The following MYDGF variants were observed in gnomAD, a reference collection of about 807,000 sequenced individuals.
MYDGF encodes myeloid derived growth factor.
In MYDGF, 29 loss-of-function variants were observed where a neutral mutation model predicts 24.2. The ratio of observed to expected loss-of-function variants is 1.20; its 90% confidence interval spans 0.89 to 1.63. The LOEUF is 1.63. Among genes scored for constraint, MYDGF ranks in the 40% most tolerant of loss-of-function variants. MYDGF has a pLI of 0.00. For missense variants in MYDGF, 245 were observed against 234.8 expected (o/e 1.04, Z -0.29); for synonymous variants, 105 against 102.5 (o/e 1.02, Z -0.15).
At chr19:4,659,802 A>G in intron 5 of MYDGF, 129 bp downstream of exon 5, 1 of 794,560 alleles carries the variant, frequency 1.3e-6, no homozygotes, top group South Asian at 1.4e-5. Flanking sequence ...CCTTTATAGA[A>G]TCAGTTTGTG....
chr19:4,665,892 T>C (rs1352281943), intron 2 of MYDGF, among the ~76,000 whole-genome samples: 1 of 143,440 alleles, frequency 7.0e-6, no homozygotes, highest in Non-Finnish European at 1.5e-5. Flanking sequence ...AAACACAAGC[T>C]GAACTATCGT....
At chr19:4,663,636 C>T (rs1411177991) in intron 3 of MYDGF, among the ~76,000 whole-genome samples, 1 of 113,102 alleles carries the variant, frequency 8.8e-6, no homozygotes, top group African/African-American at 3.5e-5. Context: ...TCCAATCTAC[C>T]CTCCCCACCT....
chr19:4,657,863 C>A lies in MYDGF; in HGVS notation c.*142G>T. Reference sequence around the variant, plus strand: ...AGGGCTTCAGCCACCCTGCAAGCCCCTCCGGACAAGGCAACGTCAGCCCAG... The same window carrying A: ...AGGGCTTCAGCCACCCTGCAAGCCCATCCGGACAAGGCAACGTCAGCCCAG... On this transcript the variant is annotated 3_prime_UTR_variant, in exon 6 of 6. Transcript: ENST00000262947. 1 of 759,020 alleles carries A rather than the reference C, an allele frequency of 1.3e-6. No individual in the cohort carries two copies. Among genetic ancestry groups the A allele is most frequent in the South Asian group, 1.9e-5 (1 of 53,180 alleles). 47.0% of individuals were successfully genotyped at this position (759,020 alleles called of 1,614,324 possible). A position where few individuals can be genotyped will look rare whatever the true frequency, so the allele number is the denominator to read the frequency against.
Position 4,657,954 on chromosome 19 carries a change from C to T in MYDGF, c.*51G>A. On this transcript the variant is annotated 3_prime_UTR_variant, in exon 6 of 6. Transcript: ENST00000262947. ...GCTGGCCCTTTCAGGGACACAGGCC[C>T]CTTCAGCTTCACCGGAGATGAGAAG... 3 of 1,520,222 alleles carry T rather than the reference C, an allele frequency of 2.0e-6. No individual in the cohort carries two copies. Among genetic ancestry groups the T allele is most frequent in the East Asian group, 2.3e-5 (1 of 42,998 alleles). The allele number at this position is 1,520,222 out of a possible 1,614,324, so 94.2% of individuals were successfully genotyped here.
chr19:4,664,759 C>A (rs181053972), intron 3 of MYDGF, 117 bp downstream of exon 3: 3 of 1,159,726 alleles, frequency 2.6e-6, no homozygotes, highest in Non-Finnish European at 2.4e-6. Context: ...AGTCTCCCTG[C>A]TGGTCTGTCT....
At chr19:4,668,361 C>T (rs1278928389) in intron 2 of MYDGF, among the ~76,000 whole-genome samples, 1 of 152,192 alleles carries the variant, frequency 6.6e-6, no homozygotes, top group Non-Finnish European at 1.5e-5. Context: ...TGGCAGACTC[C>T]CATCTCCCCT....
At chr19:4,667,703 C>G (rs1433519463) in intron 2 of MYDGF, among the ~76,000 whole-genome samples, 2 of 145,708 alleles carry the variant, frequency 1.4e-5, no homozygotes, top group Non-Finnish European at 3.0e-5. Context: ...ATTCTTCTCC[C>G]AGCCCAGAGA....
intron 1 of MYDGF, 116 bp from the exon 2 acceptor site, chr19:4,668,761 A>G (rs1189476525): frequency 2.5e-6 from 2 of 792,478 alleles, no homozygotes; most frequent in African/African-American, 3.4e-5. Flanking sequence ...AGCTCACTGC[A>G]GCCTCGAACT....
intron 1 of MYDGF, among the ~76,000 whole-genome samples, chr19:4,669,375 T>C (rs2088545421): frequency 6.6e-6 from 1 of 152,094 alleles, no homozygotes; most frequent in Admixed American, 6.6e-5. Context: ...GGCATGAACC[T>C]GGGAGGCAGA....
At chr19:4,664,258 G>C (rs1190687529) in intron 3 of MYDGF, among the ~76,000 whole-genome samples, 3 of 152,160 alleles carry the variant, frequency 2.0e-5, no homozygotes, top group African/African-American at 7.2e-5. Context: ...ACACCTCTGA[G>C]AAAGTACTCC....
chr19:4,659,336 C>T (rs566015607), intron 5 of MYDGF, among the ~76,000 whole-genome samples: 2 of 152,112 alleles, frequency 1.3e-5, no homozygotes, highest in Admixed American at 1.3e-4. Context: ...TCCCAGGTTC[C>T]AGCAATTCTC....
At chr19:4,662,432 G>A (rs1350545305) in intron 3 of MYDGF, among the ~76,000 whole-genome samples, 3 of 152,148 alleles carry the variant, frequency 2.0e-5, no homozygotes, top group African/African-American at 7.2e-5. Context: ...CCCCACCGGG[G>A]GGCCTGACGG....
rs1216565301 is a variant in MYDGF at position 4,668,608 on chromosome 19, CCTT to C, written c.209_211del (p.Gln70_Gly71delinsArg). 3.1e-6 allele frequency: 5 copies of C among 1,613,080 alleles called. No individual in the cohort carries two copies. The highest frequency in any genetic ancestry group is 1.7e-4 in the Middle Eastern group (1 of 6,054). On this transcript the variant is annotated inframe_deletion, in exon 2 of 6. Coordinates refer to ENST00000262947, the MANE Select transcript of MYDGF (RefSeq NM_019107.4). Reference sequence around the variant, plus strand: ...TGAACAACTCACCTCATTGGTCCCTCCTTGAGAGGCGTAAGTGAACATACACGT... The same window carrying C: ...TGAACAACTCACCTCATTGGTCCCTCGAGAGGCGTAAGTGAACATACACGT...
intron 4 of MYDGF, 169 bp downstream of exon 4, chr19:4,660,500 T>C: frequency 3.3e-6 from 2 of 607,342 alleles, no homozygotes; most frequent in South Asian, 4.1e-5. Flanking sequence ...GCCCCTGGCC[T>C]GGGGGCGTCT....
At chr19:4,660,896 A>G in intron 3 of MYDGF, 146 bp from the exon 4 acceptor site, 1 of 541,888 alleles carries the variant, frequency 1.8e-6, no homozygotes, top group South Asian at 2.5e-5. Flanking sequence ...CCCGAGCACG[A>G]GCACCTGCTG....
intron 2 of MYDGF, among the ~76,000 whole-genome samples, chr19:4,666,139 G>A (rs1251381507): frequency 6.6e-6 from 1 of 152,014 alleles, no homozygotes; most frequent in African/African-American, 2.4e-5. Context: ...GCAACATAGC[G>A]AGACCCCATC....
intron 3 of MYDGF, among the ~76,000 whole-genome samples, chr19:4,664,385 G>A (rs1356059063): frequency 6.6e-6 from 1 of 151,872 alleles, no homozygotes; most frequent in Non-Finnish European, 1.5e-5. Flanking sequence ...AGCTACTCAG[G>A]AGGCTGAGGG....
At chr19:4,659,538 A>T (rs1247221604) in intron 5 of MYDGF, 4 of 377,404 alleles carry the variant, frequency 1.1e-5, no homozygotes, top group African/African-American at 6.2e-5. Context: ...TTTTAAAAAA[A>T]TTTTGTAGAG....
rs1893926181 is a variant in MYDGF at position 4,668,621 on chromosome 19, A to G, written c.199T>C (p.Tyr67His). Reference protein sequence around the residue: ...PGDKYTCMFTYASQGGTNEQW... With the variant: ...PGDKYTCMFTHASQGGTNEQW... ...TCATTGGTCCCTCCTTGAGAGGCGT[A>G]AGTGAACATACACGTATATTTGTCC... Residue 67 changes from tyrosine to histidine, a missense_variant, in exon 2 of 6, where the codon TAC becomes CAC. By Grantham distance (83) the Tyr-to-His change is moderately conservative. Transcript: ENST00000262947. 3.7e-6 allele frequency: 6 copies of G among 1,613,232 alleles called. No individual in the cohort carries two copies. The highest frequency in any genetic ancestry group is 5.1e-6 in the Non-Finnish European group (6 of 1,179,404).
Sources: gnomAD v4.1 joint callset for allele counts (sites outside exome capture counted in the v4.1 genomes callset) on GRCh38, gnomAD v4.1.1 for gene constraint, MANE v1.5 for transcripts, NCBI Gene and HGNC (gene_info 2026-07-23, HGNC 2026-07-21) for gene names.